Variants in MALRD1 observed in about 807,000 individuals in gnomAD.
The protein encoded by MALRD1 is MAM and LDL receptor class A domain containing 1.
In MALRD1, 247 loss-of-function variants were observed where a neutral mutation model predicts 242.1. The ratio of observed to expected loss-of-function variants is 1.02; its 90% CI spans 0.92 to 1.13. The LOEUF (loss-of-function observed/expected upper bound fraction) is 1.13, where lower values mean the gene tolerates loss of function less well. Among genes scored for constraint, MALRD1 ranks in the 50% most tolerant of loss-of-function variants. The probability of loss-of-function intolerance (pLI) is 0.00; values close to 1 mark genes in which losing one functional copy is unlikely to be tolerated. For missense variants in MALRD1, 2,989 were observed against 2,533.1 expected, an observed-to-expected ratio of 1.18 and a Z score of -3.86; for synonymous variants, 995 against 866.6, an observed-to-expected ratio of 1.15 and a Z score of -2.60.
intron 34 of MALRD1, among the ~76,000 whole-genome samples, chr10:19,607,188 A>T (rs1838680232): frequency 6.6e-6 from 1 of 152,170 alleles, no homozygotes; most frequent in Non-Finnish European, 1.5e-5. Context: ...GCATTTGATG[A>T]TATGTGTAAT....
intron 20 of MALRD1, among the ~76,000 whole-genome samples, chr10:19,282,344 A>G (rs1181319055): frequency 2.0e-5 from 3 of 152,198 alleles, no homozygotes; most frequent in African/African-American, 4.8e-5. Context: ...TGCTGCCACT[A>G]TTAATGTCAC....
chr10:19,536,336 A>T (rs1024077217), intron 32 of MALRD1, among the ~76,000 whole-genome samples: 27 of 123,718 alleles, frequency 2.2e-4, no homozygotes, highest in Admixed American at 1.0e-3. Flanking sequence ...TGCCAGAAAA[A>T]TTTTTTTTCT....
chr10:19,590,468 A>G (rs1002399329), intron 33 of MALRD1, among the ~76,000 whole-genome samples: 3 of 150,906 alleles, frequency 2.0e-5, no homozygotes, highest in Non-Finnish European at 4.4e-5. Flanking sequence ...ATGCCTTTGC[A>G]GGGATGTTCC....
intron 32 of MALRD1, among the ~76,000 whole-genome samples, chr10:19,557,639 A>G (rs537134012): frequency 2.4e-4 from 36 of 152,192 alleles, no homozygotes; most frequent in African/African-American, 7.7e-4. Context: ...CAGTGTGTCT[A>G]TTCTTTCACA....
Position 19,170,586 on chromosome 10 carries a change from C to A in MALRD1, c.1831-4622C>A, listed in dbSNP as rs144358310. Among the ~76,000 whole-genome samples the A allele has an allele frequency of 4.9e-4, 74 of 152,122 alleles. No homozygotes were observed. In the East Asian group the frequency reaches 0.014, roughly 29 times the overall value. ...ACACAAAAGTAAAAGGTGATCGAGTCTCCGTAAAGTTGCTGGGTCCTTGGC... is the reference window on the plus strand; with the variant it reads ...ACACAAAAGTAAAAGGTGATCGAGTATCCGTAAAGTTGCTGGGTCCTTGGC... On this transcript the variant is annotated intron_variant, in intron 13 of 39. Coordinates refer to ENST00000454679, the MANE Select transcript of MALRD1 (RefSeq NM_001142308.3).
intron 32 of MALRD1, among the ~76,000 whole-genome samples, chr10:19,566,421 G>A (rs1476552994): frequency 1.3e-5 from 2 of 150,592 alleles, no homozygotes; most frequent in South Asian, 2.1e-4. Flanking sequence ...TTACAGGCGT[G>A]AGCCACCACG....
intron 36 of MALRD1, among the ~76,000 whole-genome samples, chr10:19,655,788 A>G (rs1589365994): frequency 6.6e-6 from 1 of 151,968 alleles, no homozygotes; most frequent in African/African-American, 2.4e-5. Context: ...ATTCTGCTAA[A>G]GGGCCACACA....
chr10:19,396,806 T>G (rs993320983), intron 28 of MALRD1, among the ~76,000 whole-genome samples: 2 of 152,198 alleles, frequency 1.3e-5, no homozygotes, highest in Non-Finnish European at 2.9e-5. Flanking sequence ...AGGTGACTAC[T>G]TTGTGTTCAT....
intron 31 of MALRD1, among the ~76,000 whole-genome samples, chr10:19,502,811 G>A (rs1165932016): frequency 6.6e-6 from 1 of 152,102 alleles, no homozygotes; most frequent in Non-Finnish European, 1.5e-5. Flanking sequence ...AAAACTGCAG[G>A]CTCAGTTGAG....
chr10:19,205,287 G>T, intron 17 of MALRD1, 22 bp downstream of exon 17: 2 of 1,515,514 alleles, frequency 1.3e-6, no homozygotes. Flanking sequence ...TTGGTTGGGG[G>T]ATTCTCTTTC....
chr10:19,325,006 C>CTTTTTTTTTT (rs34290618), intron 22 of MALRD1, among the ~76,000 whole-genome samples: 45 of 77,972 alleles, frequency 5.8e-4, no homozygotes, highest in East Asian at 8.5e-4. Context: ...TCAGTAGTTG[C>CTTTTTTTTTT]TTTTTTTTTT....
chr10:19,573,851 C>T (rs1836674957), intron 33 of MALRD1, among the ~76,000 whole-genome samples: 1 of 152,132 alleles, frequency 6.6e-6, no homozygotes, highest in Non-Finnish European at 1.5e-5. Context: ...ACAACATGTT[C>T]AAACCCTGAG....
At chr10:19,239,547 C>T (rs748454874) in intron 18 of MALRD1, among the ~76,000 whole-genome samples, 4 of 152,164 alleles carry the variant, frequency 2.6e-5, no homozygotes, top group African/African-American at 7.2e-5. Context: ...GTGCTTTTGA[C>T]GTCTCATTTA....
chr10:19,663,970 G>A (rs139064638), intron 36 of MALRD1, among the ~76,000 whole-genome samples: 1 of 152,096 alleles, frequency 6.6e-6, no homozygotes, highest in African/African-American at 2.4e-5. Flanking sequence ...CTACTTGCCA[G>A]GCAGGGACAT....
chr10:19,691,861 T>C (rs565714237), intron 36 of MALRD1, among the ~76,000 whole-genome samples: 2 of 152,274 alleles, frequency 1.3e-5, no homozygotes, highest in African/African-American at 2.4e-5. Context: ...TTTGTATTTA[T>C]GGTAATGTAA....
At chr10:19,344,063 T>C (rs1287628515) in intron 24 of MALRD1, among the ~76,000 whole-genome samples, 2 of 152,126 alleles carry the variant, frequency 1.3e-5, no homozygotes, top group South Asian at 2.1e-4. Context: ...ATAAGTCTTT[T>C]AACAGATATG....
Position 19,192,115 on chromosome 10 carries a change from G to A in MALRD1, c.1952-11613G>A, listed in dbSNP as rs1471220064. Reference sequence around the variant, plus strand: ...AGTAATGATATGATTAGACTTATCCGAGGTATAGTGAATAGCCTAAATCTT... The same window carrying A: ...AGTAATGATATGATTAGACTTATCCAAGGTATAGTGAATAGCCTAAATCTT... On this transcript the variant is annotated intron_variant, in intron 14 of 39. Coordinates refer to ENST00000454679, the MANE Select transcript of MALRD1 (RefSeq NM_001142308.3). Among the ~76,000 whole-genome samples, 7 of 152,114 alleles carry A rather than the reference G, an allele frequency of 4.6e-5. 1 individual carries two copies. The highest frequency in any genetic ancestry group is 2.1e-4 in the South Asian group (1 of 4,824).
intron 36 of MALRD1, among the ~76,000 whole-genome samples, chr10:19,672,284 AATATT>A (rs1296041404): frequency 6.6e-6 from 1 of 151,964 alleles, no homozygotes; most frequent in Non-Finnish European, 1.5e-5. Flanking sequence ...CTATATATAT[AATATT>A]ATATTACTAC....
chr10:19,450,420 A>T lies in MALRD1; in HGVS notation c.4959A>T (p.Gln1653His). 6.4e-7 allele frequency: 1 copy of T among 1,550,656 alleles called. No homozygotes were observed. The highest frequency in any genetic ancestry group is 8.7e-7 in the Non-Finnish European group (1 of 1,146,970). The change falls in exon 29 of 40, where the codon CAA becomes CAT. Residue 1653 changes from glutamine (Q) to histidine (H), a missense_variant. Gln to His is a conservative substitution (Grantham distance 24). Coordinates refer to ENST00000454679, the MANE Select transcript of MALRD1 (RefSeq NM_001142308.3). ...TAAGGAATTTTGAAGTCATATTTCA[A>T]GGTATCAGAACAAGGGACCTGGGAG... The part of the protein sequence containing the change: ...GKLRNFEVIF[Q>H]GIRTRDLGGG...
Sources: gnomAD v4.1 joint callset for allele counts (sites outside exome capture counted in the v4.1 genomes callset) on GRCh38, gnomAD v4.1.1 for gene constraint, MANE v1.5 for transcripts, NCBI Gene and HGNC (gene_info 2026-07-23, HGNC 2026-07-21) for gene names.